The following ADGRL2 variants were observed in gnomAD, a reference collection of about 807,000 sequenced individuals.
The protein encoded by ADGRL2 is calcium-independent alpha-latrotoxin receptor 2.
ADGRL2 carries 44 observed loss-of-function variants against 157.4 expected under a neutral mutation model. The observed-to-expected ratio is 0.28, with a 90% CI of 0.22 to 0.36. The LOEUF (loss-of-function observed/expected upper bound fraction) is 0.36, where lower values mean the gene tolerates loss of function less well. Among genes scored for constraint, ADGRL2 ranks in the 10% least tolerant of loss-of-function variants. The probability of loss-of-function intolerance (pLI) is 1.00; values close to 1 mark genes in which losing one functional copy is unlikely to be tolerated. For missense variants in ADGRL2, 1,510 were observed against 1,768.9 expected, an observed-to-expected ratio of 0.85 and a Z score of 2.63; for synonymous variants, 585 against 624.7, an observed-to-expected ratio of 0.94 and a Z score of 0.95.
chr1:81,445,430 G>A (rs911948690), intron 2 of ADGRL2, among the ~76,000 whole-genome samples: 1 of 139,144 alleles, frequency 7.2e-6, no homozygotes, highest in Non-Finnish European at 1.6e-5. Flanking sequence ...TAGGCAAATA[G>A]AGATCAGTTA....
chr1:81,685,864 A>T (rs2083218481), intron 3 of ADGRL2, among the ~76,000 whole-genome samples: 1 of 152,118 alleles, frequency 6.6e-6, no homozygotes, highest in Non-Finnish European at 1.5e-5. Context: ...GATTTTGTTG[A>T]ATGCTTTTTC....
intron 3 of ADGRL2, among the ~76,000 whole-genome samples, chr1:81,638,178 G>A (rs1030632769): frequency 1.3e-5 from 2 of 151,926 alleles, no homozygotes; most frequent in African/African-American, 4.8e-5. Context: ...TTTGAATTCT[G>A]TACCCTGCAA....
At chr1:81,352,478 G>A (rs977759762) in intron 1 of ADGRL2, among the ~76,000 whole-genome samples, 1 of 152,152 alleles carries the variant, frequency 6.6e-6, no homozygotes, top group Non-Finnish European at 1.5e-5. Context: ...TTAAGTCTTA[G>A]GTCAGGCAGT....
intron 2 of ADGRL2, among the ~76,000 whole-genome samples, chr1:81,482,805 A>G (rs1038956813): frequency 4.6e-5 from 7 of 151,488 alleles, no homozygotes; most frequent in African/African-American, 1.5e-4. Flanking sequence ...TACATTTTAC[A>G]TTATATATAT....
chr1:81,801,446 T>C (rs1267309533), intron 1 of ADGRL2, among the ~76,000 whole-genome samples: 3 of 152,124 alleles, frequency 2.0e-5, no homozygotes, highest in Non-Finnish European at 2.9e-5. Context: ...CCTCTCACTC[T>C]CTCTCCGCTC....
intron 1 of ADGRL2, among the ~76,000 whole-genome samples, chr1:81,382,656 C>A (rs1387901846): frequency 6.6e-6 from 1 of 152,164 alleles, no homozygotes; most frequent in Non-Finnish European, 1.5e-5. Context: ...GACGAAACTG[C>A]ATTTAAAGAC....
At chr1:81,926,909 G>A (rs561813699) in intron 3 of ADGRL2, among the ~76,000 whole-genome samples, 141 of 152,010 alleles carry the variant, frequency 9.3e-4, no homozygotes, top group Middle Eastern at 3.4e-3. Flanking sequence ...CCCAAGGTCC[G>A]GTAAAAACTG....
chr1:81,592,935 T>C (rs1317450183), intron 3 of ADGRL2, among the ~76,000 whole-genome samples: 1 of 152,128 alleles, frequency 6.6e-6, no homozygotes. Flanking sequence ...TAGCTGGGTA[T>C]GGGTACTTTC....
rs1217515762 is a variant in ADGRL2 at position 81,990,375 on chromosome 1, C to A, written c.3656-16C>A. ...GAACAGAGACAGTAATGATAACTCCCCCTCTTCTGTTTCAGGACATTCACT... is the reference window on the plus strand; with the variant it reads ...GAACAGAGACAGTAATGATAACTCCACCTCTTCTGTTTCAGGACATTCACT... On this transcript the variant is annotated splice_polypyrimidine_tract_variant and intron_variant, in intron 23 of 23. Transcript: ENST00000686636. 8 of 1,606,020 alleles carry A rather than the reference C, an allele frequency of 5.0e-6. No individual in the cohort carries two copies. Among genetic ancestry groups the A allele is most frequent in the Non-Finnish European group, 6.0e-6 (7 of 1,174,662 alleles).
chr1:81,673,236 C>T (rs1188699968), intron 3 of ADGRL2, among the ~76,000 whole-genome samples: 1 of 152,148 alleles, frequency 6.6e-6, no homozygotes, highest in Admixed American at 6.5e-5. Context: ...AGACAACAGA[C>T]ATACTTAAGC....
chr1:81,449,048 T>C (rs1348992257), intron 2 of ADGRL2, among the ~76,000 whole-genome samples: 2 of 152,240 alleles, frequency 1.3e-5, no homozygotes, highest in Non-Finnish European at 2.9e-5. Flanking sequence ...ATGAATTTTA[T>C]AGGAATTCTG....
chr1:81,605,750 T>C (rs2081419657), intron 3 of ADGRL2, among the ~76,000 whole-genome samples: 1 of 152,212 alleles, frequency 6.6e-6, no homozygotes, highest in Non-Finnish European at 1.5e-5. Context: ...TTTTGTCCCT[T>C]ATTTCCATTG....
chr1:81,951,038 A>T lies in ADGRL2; in HGVS notation c.1525A>T (p.Met509Leu). The change falls in exon 8 of 24, where the codon ATG (methionine) becomes TTG (leucine). Residue 509 changes from methionine to leucine, a missense_variant. By Grantham distance (15) the Met-to-Leu change is conservative. Transcript: ENST00000686636. Reference protein sequence around the residue: ...GTRGTASYLCMISTGTWNPKG... With the variant: ...GTRGTASYLCLISTGTWNPKG... The stretch of plus-strand genomic sequence containing the variant: ...TGTAGGAACTGCCTCATATCTCTGC[A>T]TGATTTCCACTGGAACATGGAACCC... 6.2e-7 allele frequency: 1 copy of T among 1,612,902 alleles called. No homozygotes were observed.
chr1:81,413,110 A>G (rs1037390922), intron 1 of ADGRL2, among the ~76,000 whole-genome samples: 2 of 152,184 alleles, frequency 1.3e-5, no homozygotes, highest in African/African-American at 4.8e-5. Context: ...TCGAATTACC[A>G]GGAATGCACT....
intron 1 of ADGRL2, among the ~76,000 whole-genome samples, chr1:81,801,874 A>AT (rs937326017): frequency 8.6e-5 from 13 of 150,614 alleles, no homozygotes; most frequent in Non-Finnish European, 1.5e-4. Context: ...CTGATTCCCG[A>AT]TTTTTTTTTC....
At chr1:81,550,069 TC>T (rs1181960718) in intron 2 of ADGRL2, among the ~76,000 whole-genome samples, 2 of 152,170 alleles carry the variant, frequency 1.3e-5, no homozygotes, top group Non-Finnish European at 2.9e-5. Flanking sequence ...TGTTTGAAAC[TC>T]CTGCCATATT....
chr1:81,616,669 C>A (rs938227215), intron 3 of ADGRL2, among the ~76,000 whole-genome samples: 1 of 103,780 alleles, frequency 9.6e-6, no homozygotes, highest in Admixed American at 1.0e-4. Context: ...CTTTTCTTTT[C>A]TTTTCTTTTC....
intron 2 of ADGRL2, among the ~76,000 whole-genome samples, chr1:81,774,911 C>G (rs116505488): frequency 0.024 from 3,699 of 152,108 alleles, 121 homozygotes; most frequent in African/African-American, 0.077. Context: ...AAAGATGACA[C>G]CTACCCAATT....
rs1297625055 is a variant in ADGRL2, at chr1:81,990,949, C to G, written c.4214C>G (p.Ser1405Cys). The G allele has an allele frequency of 6.2e-7, 1 of 1,614,086 alleles. No homozygotes were observed. The highest frequency in any genetic ancestry group is 8.5e-7 in the Non-Finnish European group (1 of 1,179,986). ...AGCCCTGACATGGAAGAAGACCTCT[C>G]TCCCTCCAGGAGGAGTGAGAATGAG... ...ESSPDMEEDL[S>C]PSRRSENEDI... Residue 1405 changes from serine to cysteine, a missense_variant, in exon 24 of 24, where the codon TCT (serine) becomes TGT (cysteine). By Grantham distance (112) the Ser-to-Cys change is moderately radical. Transcript: ENST00000686636.
Sources: allele counts gnomAD v4.1 joint callset (sites outside exome capture counted in the v4.1 genomes callset), GRCh38; gene constraint gnomAD v4.1.1; transcripts MANE v1.5; gene names NCBI Gene and HGNC (gene_info 2026-07-23, HGNC 2026-07-21).